KPNA1: variants seen among roughly 807,000 people sequenced by gnomAD.
KPNA1 encodes karyopherin subunit alpha 1, also known as importin subunit alpha-5.
Under a neutral mutation model 70.5 loss-of-function variants are expected in KPNA1, and 10 were observed. The observed-to-expected ratio is 0.14, with a 90% CI of 0.09 to 0.24. The LOEUF (loss-of-function observed/expected upper bound fraction) is 0.24. Ranked by LOEUF, KPNA1 falls within the 10% of genes least tolerant of loss-of-function variation. KPNA1 has a pLI of 1.00. For synonymous variants in KPNA1, 192 were observed against 221.9 expected (o/e 0.87, Z 1.20); for missense variants, 397 against 637.9 (o/e 0.62, Z 4.07).
intron 5 of KPNA1, chr3:122,459,383 T>C: frequency 1.0e-6 from 1 of 980,668 alleles, no homozygotes; most frequent in South Asian, 4.7e-5. Flanking sequence ...CTACTCTCAT[T>C]CCCAGAGACA....
Position 122,451,590 on chromosome 3 carries a change from C to A in KPNA1, c.697G>T (p.Val233Leu). The A allele has an allele frequency of 6.2e-7, 1 of 1,614,090 alleles. No homozygotes were observed. The highest frequency in any genetic ancestry group is 8.5e-7 in the Non-Finnish European group (1 of 1,179,982). Residue 233 changes from valine (V) to leucine (L), a missense_variant, in exon 8 of 14, where the codon GTA becomes TTA. By Grantham distance (32) the Val-to-Leu change is conservative. Transcript: ENST00000344337. Reference protein sequence around the residue: ...QNRLTMTRNAVWALSNLCRGK... With the variant: ...QNRLTMTRNALWALSNLCRGK... ...CTACAGAGATTAGACAAAGCCCATA[C>A]TGCATTCCGGGTCATGGTCAGGCGG...
chr3:122,452,769 GAGA>G (rs1478412697), intron 6 of KPNA1, among the ~76,000 whole-genome samples: 6 of 151,444 alleles, frequency 4.0e-5, no homozygotes, highest in East Asian at 1.9e-4. Flanking sequence ...GAGAGACGGA[GAGA>G]AGGAGAGATG....
chr3:122,448,296 A>G (rs1039549743), intron 9 of KPNA1, among the ~76,000 whole-genome samples: 2 of 152,214 alleles, frequency 1.3e-5, no homozygotes, highest in Non-Finnish European at 2.9e-5. Flanking sequence ...AGACACATCC[A>G]TGTTTATTGC....
At chr3:122,500,446 T>C (rs773040953) in intron 1 of KPNA1, among the ~76,000 whole-genome samples, 1 of 152,040 alleles carries the variant, frequency 6.6e-6, no homozygotes, top group Non-Finnish European at 1.5e-5. Flanking sequence ...TATTTCTTTA[T>C]AACCTTACTA....
chr3:122,454,382 C>T (rs2076243786), intron 5 of KPNA1, among the ~76,000 whole-genome samples: 1 of 152,182 alleles, frequency 6.6e-6, no homozygotes. Flanking sequence ...CATTAATTTA[C>T]TTATTGCACA....
At chr3:122,433,615 A>C in intron 12 of KPNA1, 46 bp downstream of exon 12, 3 of 1,513,112 alleles carry the variant, frequency 2.0e-6, no homozygotes, top group Non-Finnish European at 2.7e-6. Flanking sequence ...TAGACACAAT[A>C]ATAATTTTTC....
At chr3:122,452,827 G>A (rs1369166591) in intron 6 of KPNA1, among the ~76,000 whole-genome samples, 2 of 149,892 alleles carry the variant, frequency 1.3e-5, no homozygotes, top group East Asian at 1.9e-4. Flanking sequence ...GAGACAGAAA[G>A]AGAGAAAGAC....
chr3:122,428,580 TAAAGG>T (rs1056256554), intron 12 of KPNA1, among the ~76,000 whole-genome samples: 8 of 152,140 alleles, frequency 5.3e-5, no homozygotes, highest in African/African-American at 1.9e-4. Context: ...AAAAGGATAA[TAAAGG>T]AATACTACAA....
chr3:122,501,253 T>C (rs751146537), intron 1 of KPNA1, among the ~76,000 whole-genome samples: 1 of 152,088 alleles, frequency 6.6e-6, no homozygotes, highest in African/African-American at 2.4e-5. Flanking sequence ...GGTCAACTCC[T>C]GACCTCAAGT....
intron 2 of KPNA1, among the ~76,000 whole-genome samples, chr3:122,494,937 T>C (rs2076740329): frequency 6.6e-6 from 1 of 152,082 alleles, no homozygotes; most frequent in Admixed American, 6.6e-5. Flanking sequence ...AATATATGAA[T>C]ATAAATATAT....
intron 2 of KPNA1, among the ~76,000 whole-genome samples, chr3:122,481,654 T>G (rs2076572093): frequency 6.6e-6 from 1 of 152,226 alleles, no homozygotes; most frequent in Admixed American, 6.5e-5. Context: ...ATTACACACT[T>G]CAAGTGGGTG....
At chr3:122,478,797 G>A (rs2076535897) in intron 2 of KPNA1, among the ~76,000 whole-genome samples, 1 of 148,368 alleles carries the variant, frequency 6.7e-6, no homozygotes, top group Non-Finnish European at 1.5e-5. Flanking sequence ...CTGGAGCTGA[G>A]GCAGGAGAAT....
In KPNA1 at chr3:122,487,443, A is replaced by G. The variant is rs939963912; in HGVS notation, c.129+8994T>C. On this transcript the variant is annotated intron_variant, in intron 2 of 13. Transcript: ENST00000344337. ...CAAAAGAATTCAAAACAGAATATCA[A>G]AAGAGATATTTGCACTCTCATGCTC... Among the ~76,000 whole-genome samples the G allele has an allele frequency of 5.2e-5, 8 of 152,396 alleles. No homozygotes were observed. In the East Asian group the frequency reaches 1.5e-3, roughly 29 times the overall value.
chr3:122,500,457 A>G (rs555274033), intron 1 of KPNA1, among the ~76,000 whole-genome samples: 7 of 151,586 alleles, frequency 4.6e-5, no homozygotes, highest in African/African-American at 1.7e-4. Flanking sequence ...AACCTTACTA[A>G]TTTTTACAAG....
At chr3:122,431,538 T>C (rs767434284) in intron 12 of KPNA1, among the ~76,000 whole-genome samples, 7 of 152,158 alleles carry the variant, frequency 4.6e-5, no homozygotes, top group Non-Finnish European at 1.0e-4. Context: ...GCCAGATAGA[T>C]GTCTTTTATA....
At chr3:122,511,133 A>G (rs1175128432) in intron 1 of KPNA1, among the ~76,000 whole-genome samples, 1 of 152,220 alleles carries the variant, frequency 6.6e-6, no homozygotes, top group East Asian at 1.9e-4. Flanking sequence ...AAAGCACCTG[A>G]TGCAGAACCT....
intron 2 of KPNA1, among the ~76,000 whole-genome samples, chr3:122,473,581 T>A (rs2076466416): frequency 6.6e-6 from 1 of 152,112 alleles, no homozygotes; most frequent in Admixed American, 6.5e-5. Flanking sequence ...TGAAAATCAT[T>A]AATAAAATCC....
intron 13 of KPNA1, 95 bp from the exon 14 acceptor site, chr3:122,427,267 A>C (rs1051996070): frequency 1.1e-6 from 1 of 924,942 alleles, no homozygotes; most frequent in African/African-American, 1.7e-5. Flanking sequence ...TTTGTCATAT[A>C]TCTCTGTTCT....
chr3:122,494,859 T>C (rs918790513), intron 2 of KPNA1, among the ~76,000 whole-genome samples: 1 of 152,202 alleles, frequency 6.6e-6, no homozygotes, highest in African/African-American at 2.4e-5. Flanking sequence ...ATACGATCCC[T>C]AGACTGGTGG....
Sources: allele counts gnomAD v4.1 joint callset (sites outside exome capture counted in the v4.1 genomes callset), GRCh38; gene constraint gnomAD v4.1.1; transcripts MANE v1.5; gene names NCBI Gene and HGNC (gene_info 2026-07-23, HGNC 2026-07-21).